Variants in APRT observed in about 807,000 individuals in gnomAD.
APRT encodes the protein adenine phosphoribosyltransferase, also known as AMP diphosphorylase.
A neutral mutation model predicts 21.0 loss-of-function variants in APRT; 25 were observed. The observed-to-expected ratio is 1.19, with a 90% CI of 0.87 to 1.66. APRT has a LOEUF of 1.66. Among genes scored for constraint, APRT ranks in the 40% most tolerant of loss-of-function variants. The pLI is 0.00. For missense variants in APRT, 294 were observed against 232.7 expected (o/e 1.26, Z -1.72); for synonymous variants, 153 against 109.0 (o/e 1.40, Z -2.52).
intron 3 of APRT, 91 bp downstream of exon 3, chr16:88,810,332 T>A: frequency 1.3e-6 from 2 of 1,571,848 alleles, no homozygotes; most frequent in Admixed American, 3.5e-5. Context: ...GCAGCTCCAC[T>A]TGACACGCCT....
chr16:88,809,683 T>G lies in APRT; in HGVS notation c.*15A>C, dbSNP rs761192074. On this transcript the variant is annotated 3_prime_UTR_variant, in exon 5 of 5. Transcript: ENST00000378364. ...TGGGATCCAGCTGGAGATGTTGGGC[T>G]GGGAGGCCCTGTGGTCACTCATACT... 2.5e-6 allele frequency: 4 copies of G among 1,613,212 alleles called. No homozygotes were observed. In the South Asian group the frequency reaches 4.4e-5, roughly 18 times the overall value.
At chr16:88,810,002 A>G in intron 4 of APRT, 68 bp downstream of exon 4, 3 of 1,583,194 alleles carry the variant, frequency 1.9e-6, no homozygotes, top group Non-Finnish European at 2.6e-6. Context: ...CATGTCACAC[A>G]GCGAGGTCCT....
intron 3 of APRT, 56 bp downstream of exon 3, chr16:88,810,367 A>T (rs765307269): frequency 6.2e-7 from 1 of 1,603,788 alleles, no homozygotes; most frequent in Non-Finnish European, 8.5e-7. Context: ...GAACTGGGGG[A>T]GAGTGGCCAC....
Position 88,810,536 on chromosome 16 carries a change from G to T in APRT, c.208C>A (p.Leu70Ile). 1 of 1,611,894 alleles carries T rather than the reference G, an allele frequency of 6.2e-7. No individual in the cohort carries two copies. Among genetic ancestry groups the T allele is most frequent in the Non-Finnish European group, 8.5e-7 (1 of 1,179,814 alleles). Residue 70 changes from leucine (L) to isoleucine (I), a missense_variant, in exon 3 of 5, where the codon CTC becomes ATC. By Grantham distance (5) the Leu-to-Ile change is conservative. Coordinates refer to ENST00000378364, the MANE Select transcript of APRT (RefSeq NM_000485.3). ...TCCTGGGCCAGGGAGGGGCCAAAGAGGAAGCCTCGGGAGTCTAGGCCTGTC... is the reference window on the plus strand; with the variant it reads ...TCCTGGGCCAGGGAGGGGCCAAAGATGAAGCCTCGGGAGTCTAGGCCTGTC... Reference protein sequence around the residue: ...YIAGLDSRGFLFGPSLAQELG... With the variant: ...YIAGLDSRGFIFGPSLAQELG...
At chr16:88,811,359 C>T in intron 2 of APRT, 191 bp downstream of exon 2, 2 of 629,508 alleles carry the variant, frequency 3.2e-6, no homozygotes. Flanking sequence ...GCGGGAAGGA[C>T]GCCTGCACAG....
At chr16:88,811,470 A>C (rs1171036952) in intron 2 of APRT, 80 bp downstream of exon 2, 3 of 1,419,094 alleles carry the variant, frequency 2.1e-6, no homozygotes, top group Non-Finnish European at 2.9e-6. Flanking sequence ...CCCTCCCCCA[A>C]GCAGACGCGC....
chr16:88,811,248 G>C (rs1023520072), intron 2 of APRT: 21 of 506,950 alleles, frequency 4.1e-5, no homozygotes, highest in African/African-American at 4.1e-4. Context: ...GGAACAAGAA[G>C]CAAGGCAGCT....
intron 3 of APRT, 56 bp downstream of exon 3, chr16:88,810,365 GGA>G: frequency 1.2e-6 from 2 of 1,603,526 alleles, no homozygotes; most frequent in Non-Finnish European, 1.7e-6. Flanking sequence ...TAGAACTGGG[GGA>G]GAGTGGCCAC....
At chr16:88,811,452 C>T (rs762600513) in intron 2 of APRT, 98 bp downstream of exon 2, 37 of 1,337,772 alleles carry the variant, frequency 2.8e-5, no homozygotes, top group Non-Finnish European at 3.6e-5. Flanking sequence ...CCTGAAGCAC[C>T]CCAAAGGCCC....
chr16:88,811,820 C>G lies in APRT; in HGVS notation c.80G>C (p.Arg27Thr), dbSNP rs1384994605. ...CCACGAGGGCGGCCTGTGCGTGCAC[C>G]TGAATACCACGCCTGGGGTGGGGAA... The part of the protein sequence containing the change: ...PDFPTPGVVF[R>T]DISPVLKDPA... The change falls in exon 1 of 5, where the codon AGG (arginine) becomes ACG (threonine). Residue 27 changes from arginine to threonine, a missense_variant and splice_region_variant. Arg to Thr is a moderately conservative substitution (Grantham distance 71, BLOSUM62 -1). Coordinates refer to ENST00000378364, the MANE Select transcript of APRT (RefSeq NM_000485.3). The G allele has an allele frequency of 6.4e-7, 1 of 1,567,432 alleles. No homozygotes were observed. The highest frequency in any genetic ancestry group is 8.6e-7 in the Non-Finnish European group (1 of 1,158,130).
At position 88,810,405 on chromosome 16, in the gene APRT, C is replaced by A; in HGVS notation, c.321+18G>T. 2 of 1,610,712 alleles carry A rather than the reference C, an allele frequency of 1.2e-6. No individual in the cohort carries two copies. ...TGGCCTGGCCCTGCCCTTCCTCTGG[C>A]CACCCCAGCCCTCTTACCTTCCCGT... On this transcript the variant is annotated intron_variant, in intron 3 of 4. Coordinates refer to ENST00000378364, the MANE Select transcript of APRT (RefSeq NM_000485.3).
rs2142952273 is a variant in APRT, at chr16:88,810,434, C to A, written c.310G>T (p.Glu104Ter). The part of the protein sequence containing the change: ...GPTLWASYSL[E>*]YGKAELEIQK... ...CCCAGCCCTCTTACCTTCCCGTACT[C>A]CAGGGAATAGGAGGCCCACAGAGTG... is the stretch of plus-strand genomic sequence containing the variant. Residue 104 changes from glutamate (E) to a stop codon, truncating the protein, a stop_gained, in exon 3 of 5, where the codon GAG becomes TAG. Transcript: ENST00000378364. LOFTEE classifies it high-confidence loss of function. 4 of 1,612,136 alleles carry A rather than the reference C, an allele frequency of 2.5e-6. No individual in the cohort carries two copies. The highest frequency in any genetic ancestry group is 3.4e-6 in the Non-Finnish European group (4 of 1,180,014).
chr16:88,810,379 GTGGCCTGGCCCTGCCCTTCCTC>G, intron 3 of APRT, 22 bp downstream of exon 3: 1 of 1,607,202 alleles, frequency 6.2e-7, no homozygotes. Flanking sequence ...AGTGGCCACG[GTGGCCTGGCCCTGCCCTTCCTC>G]TGGCCACCCC....
At chr16:88,810,834 A>G (rs1165973996) in intron 2 of APRT, among the ~76,000 whole-genome samples, 1 of 152,162 alleles carries the variant, frequency 6.6e-6, no homozygotes, top group East Asian at 1.9e-4. Flanking sequence ...GCTGGTAGAA[A>G]CCTGACAGGC....
At position 88,809,639 on chromosome 16, in the gene APRT, C is replaced by A; in HGVS notation, c.*59G>T. On this transcript the variant is annotated 3_prime_UTR_variant, in exon 5 of 5. Coordinates refer to ENST00000378364, the MANE Select transcript of APRT (RefSeq NM_000485.3). ...CCGGTGCCCCTGGTCACTGCAGTTGCCCAAGGCTGATATTTCCCTGGGATC... is the reference window on the plus strand; with the variant it reads ...CCGGTGCCCCTGGTCACTGCAGTTGACCAAGGCTGATATTTCCCTGGGATC... The A allele has an allele frequency of 6.2e-7, 1 of 1,610,894 alleles. No individual in the cohort carries two copies. Among genetic ancestry groups the A allele is most frequent in the Non-Finnish European group, 8.5e-7 (1 of 1,178,610 alleles).
chr16:88,811,519 A>C, intron 2 of APRT, 31 bp downstream of exon 2: 1 of 1,552,386 alleles, frequency 6.4e-7, no homozygotes, highest in Non-Finnish European at 8.7e-7. Flanking sequence ...CAGAGGCGGA[A>C]GCGCCCTAGA....
Position 88,810,540 on chromosome 16 carries a change from G to A in APRT, c.204C>T (p.Gly68=), listed in dbSNP as rs1909090275. 1.2e-6 allele frequency: 2 copies of A among 1,611,886 alleles called. No homozygotes were observed. The highest frequency in any genetic ancestry group is 2.2e-5 in the East Asian group (1 of 44,868). Residue 68 remains glycine (G), a synonymous_variant, in exon 3 of 5, where the codon GGC becomes GGT. Transcript: ENST00000378364. ...GGGCCAGGGAGGGGCCAAAGAGGAA[G>A]CCTCGGGAGTCTAGGCCTGTCAGGG... ...IDYIAGLDSR[G]FLFGPSLAQE... is the part of the protein sequence containing the mutation.
intron 3 of APRT, 42 bp from the exon 4 acceptor site, chr16:88,810,190 A>C: frequency 6.2e-7 from 1 of 1,601,928 alleles, no homozygotes; most frequent in Non-Finnish European, 8.5e-7. Context: ...CTCCCGCAGA[A>C]AACAGCTTTG....
intron 2 of APRT, chr16:88,811,106 ACT>A (rs1203378580): frequency 4.3e-5 from 14 of 327,248 alleles, no homozygotes; most frequent in African/African-American, 2.0e-4. Flanking sequence ...GGCCAGGAAC[ACT>A]CTGTTCTCCC....
Sources: gnomAD v4.1 joint callset for allele counts (sites outside exome capture counted in the v4.1 genomes callset) on GRCh38, gnomAD v4.1.1 for gene constraint, MANE v1.5 for transcripts, NCBI Gene and HGNC (gene_info 2026-07-23, HGNC 2026-07-21) for gene names.